TRPV4: variants seen among roughly 807,000 people sequenced by gnomAD.
TRPV4 encodes the protein transient receptor potential cation channel subfamily V member 4.
Under a neutral mutation model 84.1 loss-of-function variants are expected in TRPV4, and 58 were observed. The ratio of observed to expected loss-of-function variants is 0.69; its 90% CI spans 0.56 to 0.86. The LOEUF is 0.86. Among genes scored for constraint, TRPV4 ranks in the 40% least tolerant of loss-of-function variants. TRPV4 has a pLI of 0.00. For missense variants in TRPV4, 879 were observed against 1,181.1 expected (o/e 0.74, Z 3.75); for synonymous variants, 489 against 500.9 (o/e 0.98, Z 0.32).
chr12:109,797,346 G>A (rs1890468211), intron 6 of TRPV4, among the ~76,000 whole-genome samples: 1 of 152,178 alleles, frequency 6.6e-6, no homozygotes, highest in Non-Finnish European at 1.5e-5. Flanking sequence ...TAGAGACGGG[G>A]TTTCACCATG....
rs146053143 is a variant in TRPV4, at chr12:109,798,658, C to T, written c.1108G>A (p.Gly370Ser). The change falls in exon 6 of 16, where the codon GGC (glycine) becomes AGC (serine). Residue 370 changes from glycine to serine, a missense_variant. Transcript: ENST00000261740. The surrounding 1 kb of genome is among the most constrained non-coding windows in gnomAD (Gnocchi z 5.0). ...GCAGCCATCATGAGGGGCGAGAGGC[C>T]GTCGTTGTTGAGCACGGCCTCCAGG... ...SNLEAVLNNDGLSPLMMAAKT... is the reference protein window; with the variant it reads ...SNLEAVLNNDSLSPLMMAAKT... 59 of 1,613,086 alleles carry T rather than the reference C, an allele frequency of 3.7e-5. No homozygotes were observed. Among genetic ancestry groups the T allele is most frequent in the Non-Finnish European group, 4.6e-5 (54 of 1,180,040 alleles).
chr12:109,833,293 C>G (rs2136739734), intron 1 of TRPV4, 57 bp downstream of exon 1: 1 of 152,464 alleles, frequency 6.6e-6, no homozygotes, highest in Non-Finnish European at 1.5e-5. Flanking sequence ...GAGATGTCCC[C>G]AGGGGCGCGA....
At chr12:109,822,092 G>C (rs1279492255) in intron 1 of TRPV4, among the ~76,000 whole-genome samples, 3 of 152,088 alleles carry the variant, frequency 2.0e-5, no homozygotes, top group Non-Finnish European at 4.4e-5. Context: ...ATAAAGGGCA[G>C]AGGAGGTGTC....
At chr12:109,790,373 T>G (rs950701476) in intron 12 of TRPV4, among the ~76,000 whole-genome samples, 1 of 152,126 alleles carries the variant, frequency 6.6e-6, no homozygotes, top group Admixed American at 6.5e-5. Context: ...ACTTGGTCAG[T>G]TTCTCCAGCC....
chr12:109,813,771 T>C (rs1286290808), intron 2 of TRPV4, among the ~76,000 whole-genome samples: 1 of 150,946 alleles, frequency 6.6e-6, no homozygotes, highest in Non-Finnish European at 1.5e-5. Context: ...TATGGATGGA[T>C]GGATAGATTA....
At chr12:109,789,956 G>A (rs1450438802) in intron 12 of TRPV4, among the ~76,000 whole-genome samples, 1 of 152,192 alleles carries the variant, frequency 6.6e-6, no homozygotes, top group African/African-American at 2.4e-5. Flanking sequence ...ATAAGGAGAA[G>A]ACCTGCAACC....
intron 13 of TRPV4, among the ~76,000 whole-genome samples, chr12:109,787,326 T>C (rs1889755044): frequency 6.6e-6 from 1 of 152,194 alleles, no homozygotes; most frequent in Admixed American, 6.5e-5. Context: ...GGTCTGATGC[T>C]GGGTGCAGTG....
chr12:109,822,219 T>TGGGGGGTGGGGGGGGGGGTGGGGGGGG (rs1892126614), intron 1 of TRPV4, among the ~76,000 whole-genome samples: 1 of 61,556 alleles, frequency 1.6e-5, no homozygotes, highest in Non-Finnish European at 3.3e-5. Context: ...GGGAGGTGGG[T>TGGGGGGTGGGGGGGGGGGTGGGGGGGG]GGGGGTTGGA....
Position 109,788,640 on chromosome 12 carries a change from A to C in TRPV4, c.1968T>G (p.Thr656=), listed in dbSNP as rs1184080395. 5 of 1,614,096 alleles carry C rather than the reference A, an allele frequency of 3.1e-6. No individual in the cohort carries two copies. In the Admixed American group the frequency reaches 5.0e-5, roughly 16 times the overall value. Residue 656 remains threonine, a synonymous_variant, in exon 13 of 16, where the codon ACT becomes ACG. Transcript: ENST00000261740. ...NEDQTNCTVP[T]YPSCRDSETF... The stretch of plus-strand genomic sequence containing the variant: ...TCTCGCTGTCACGGCACGAGGGGTA[A>C]GTGGGCACTGTGCAGTTGGTCTGGT...
At position 109,786,470 on chromosome 12, in the gene TRPV4, G is replaced by A. The variant is rs1565859102; in HGVS notation, c.2336+240C>T. On this transcript the variant is annotated intron_variant, in intron 14 of 15. Transcript: ENST00000261740. The surrounding 1 kb of genome is among the most constrained non-coding windows in gnomAD (Gnocchi z 4.5). Reference sequence around the variant, plus strand: ...TCTCACGTGCTGACCTGTCTAATCCGCACCGCCAGCCTAGGAGCCCGTGAG... The same window carrying A: ...TCTCACGTGCTGACCTGTCTAATCCACACCGCCAGCCTAGGAGCCCGTGAG... Among the ~76,000 whole-genome samples, 1 of 152,150 alleles carries A rather than the reference G, an allele frequency of 6.6e-6. No homozygotes were observed. Among genetic ancestry groups the A allele is most frequent in the South Asian group, 2.1e-4 (1 of 4,834 alleles).
intron 1 of TRPV4, among the ~76,000 whole-genome samples, chr12:109,827,091 G>A (rs1459936792): frequency 1.3e-5 from 2 of 152,152 alleles, no homozygotes; most frequent in Non-Finnish European, 2.9e-5. Context: ...TCTCTCCAGG[G>A]CAGACAGGTC....
intron 12 of TRPV4, among the ~76,000 whole-genome samples, chr12:109,790,833 G>A (rs2136455393): frequency 6.6e-6 from 1 of 152,340 alleles, no homozygotes; most frequent in South Asian, 2.1e-4. Flanking sequence ...TGCCATGCCA[G>A]GAGGTGTCCT....
Position 109,786,915 on chromosome 12 carries a change from C to A in TRPV4, c.2209-78G>T, listed in dbSNP as rs1889723684. 6.2e-6 allele frequency: 10 copies of A among 1,601,398 alleles called. No homozygotes were observed. The East Asian group carries it at 2.2e-4, about 36-fold the overall frequency. On this transcript the variant is annotated intron_variant, in intron 13 of 15. Coordinates refer to ENST00000261740, the MANE Select transcript of TRPV4 (RefSeq NM_021625.5). This position sits in a 1 kb window ranked among gnomAD's most constrained non-coding sequence, Gnocchi z 4.5. The stretch of plus-strand genomic sequence containing the variant: ...TGCCGCTCTGGTGGCAGAAATGAGA[C>A]AACGGGCCAGGGTGGGCCCAGAACT...
Position 109,793,810 on chromosome 12 carries a change from A to T in TRPV4, c.1584+120T>A. 1.1e-6 allele frequency: 1 copy of T among 874,132 alleles called. No individual in the cohort carries two copies. Among genetic ancestry groups the T allele is most frequent in the Non-Finnish European group, 1.9e-6 (1 of 531,046 alleles). 54.1% of individuals were successfully genotyped at this position (874,132 alleles called of 1,614,324 possible). On this transcript the variant is annotated intron_variant, in intron 9 of 15. Transcript: ENST00000261740. This position sits in a 1 kb window ranked among gnomAD's most constrained non-coding sequence, Gnocchi z 4.0. ...AGAAGAGAAATGGGAAAATAAAAGG[A>T]GGAAGGAAAGGAGAAGGACCATTTG...
chr12:109,802,830 GCATCCATGCATCCATCCATCCATC>G (rs1265575103), intron 4 of TRPV4, among the ~76,000 whole-genome samples, 137 bp downstream of exon 4: 1 of 148,682 alleles, frequency 6.7e-6, no homozygotes, highest in East Asian at 1.9e-4. Context: ...ATCTATCCAT[GCATCCATGCATCCATCCATCCATC>G]CATCCATCCA....
chr12:109,812,839 G>C (rs1423734870), intron 2 of TRPV4, among the ~76,000 whole-genome samples: 3 of 152,190 alleles, frequency 2.0e-5, no homozygotes, highest in South Asian at 2.1e-4. Flanking sequence ...GGTTATATGG[G>C]TGTATGGCTG....
chr12:109,820,513 CCTATTTTTTTTTTT>C (rs1892052181), intron 1 of TRPV4, among the ~76,000 whole-genome samples: 1 of 106,728 alleles, frequency 9.4e-6, no homozygotes. Flanking sequence ...CTTCAGCTGC[CCTATTTTTTTTTTT>C]TTTTTTTTTT....
At position 109,814,272 on chromosome 12, in the gene TRPV4, G is replaced by A; in HGVS notation, c.386+139C>T. On this transcript the variant is annotated intron_variant, in intron 2 of 15. Coordinates refer to ENST00000261740, the MANE Select transcript of TRPV4 (RefSeq NM_021625.5). This position sits in a 1 kb window ranked among gnomAD's most constrained non-coding sequence, Gnocchi z 5.4. ...AGGGAGATGAATAGATGGATGGATA[G>A]ATGTATGGATGGTTGGATGGACAGA... The A allele has an allele frequency of 1.0e-6, 1 of 968,034 alleles. No individual in the cohort carries two copies. The allele number at this position is 968,034 out of a possible 1,614,324, so 60.0% of individuals were successfully genotyped here.
At chr12:109,792,520 A>G in intron 11 of TRPV4, 91 bp from the exon 12 acceptor site, 1 of 1,574,160 alleles carries the variant, frequency 6.4e-7, no homozygotes. Flanking sequence ...GTCCCACCCC[A>G]GTGTCCAGAC....
Sources: gnomAD v4.1 joint callset for allele counts (sites outside exome capture counted in the v4.1 genomes callset) on GRCh38, gnomAD v4.1.1 for gene constraint, Gnocchi (gnomAD v3.1) non-coding constraint, MANE v1.5 for transcripts, NCBI Gene and HGNC (gene_info 2026-07-23, HGNC 2026-07-21) for gene names.